Variants in ADGRB1 observed in about 807,000 individuals in gnomAD.
ADGRB1 encodes the protein adhesion G protein-coupled receptor B1, also known as brain-specific angiogenesis inhibitor 1.
In ADGRB1, 36 loss-of-function variants were observed where a neutral mutation model predicts 175.7. That is an observed-to-expected ratio of 0.20 (90% CI 0.16 to 0.27). The LOEUF (loss-of-function observed/expected upper bound fraction) is 0.27. Ranked by LOEUF, ADGRB1 falls within the 10% of genes least tolerant of loss-of-function variation. The pLI, the probability that ADGRB1 is intolerant of heterozygous loss-of-function variation, is 1.00. For missense variants in ADGRB1, 1,731 were observed against 2,255.3 expected (o/e 0.77, Z 4.71); for synonymous variants, 1,054 against 979.4 (o/e 1.08, Z -1.42).
intron 26 of ADGRB1, among the ~76,000 whole-genome samples, chr8:142,538,232 G>A (rs547942073): frequency 3.9e-5 from 6 of 152,342 alleles, no homozygotes; most frequent in African/African-American, 7.2e-5. Flanking sequence ...CGGCTGGTGC[G>A]CGGGAGGTGC....
intron 24 of ADGRB1, 105 bp downstream of exon 24, chr8:142,526,732 G>A: frequency 1.7e-6 from 2 of 1,171,084 alleles, no homozygotes; most frequent in Non-Finnish European, 2.5e-6. Flanking sequence ...TGAGACTGCA[G>A]GTCCAGGGAC....
intron 6 of ADGRB1, among the ~76,000 whole-genome samples, 177 bp downstream of exon 6, chr8:142,477,726 T>C (rs1457081826): frequency 6.6e-6 from 1 of 152,228 alleles, no homozygotes; most frequent in Non-Finnish European, 1.5e-5. Context: ...CCTTGGGGCA[T>C]TTCCCACCCA....
At chr8:142,500,464 A>G (rs562835919) in intron 17 of ADGRB1, among the ~76,000 whole-genome samples, 1 of 145,862 alleles carries the variant, frequency 6.9e-6, no homozygotes, top group South Asian at 2.2e-4. Flanking sequence ...CCTCTCAGTC[A>G]TGCCTCGTGG....
At chr8:142,465,153 C>T (rs990521498) in intron 2 of ADGRB1, among the ~76,000 whole-genome samples, 171 bp downstream of exon 2, 2 of 152,138 alleles carry the variant, frequency 1.3e-5, no homozygotes, top group Non-Finnish European at 2.9e-5. Flanking sequence ...CAGGGCTGCC[C>T]TGCTAGCACC....
chr8:142,464,023 A>T lies in ADGRB1; in HGVS notation c.-176A>T. 2.0e-6 allele frequency: 1 copy of T among 496,604 alleles called. No individual in the cohort carries two copies. 30.8% of individuals were successfully genotyped at this position (496,604 alleles called of 1,614,324 possible). On this transcript the variant is annotated 5_prime_UTR_variant, in exon 2 of 31. Coordinates refer to ENST00000517894, the MANE Select transcript of ADGRB1 (RefSeq NM_001702.3). ...GGCTGGCACCAGGGCCCTGGACTTTAGAAGCCGTTGCTGCCCTCTCTGTCA... is the reference window on the plus strand; with the variant it reads ...GGCTGGCACCAGGGCCCTGGACTTTTGAAGCCGTTGCTGCCCTCTCTGTCA...
chr8:142,516,455 T>C lies in ADGRB1; in HGVS notation c.2818-1683T>C, dbSNP rs369417222. 4.8e-4 allele frequency among the ~76,000 whole-genome samples: 65 copies of C among 136,176 alleles called. 1 individual carries two copies. The South Asian group carries it at 0.015, about 32-fold the overall frequency. The allele number at this position is 136,176 out of a possible 152,430, so 89.3% of individuals were successfully genotyped here. A position where few individuals can be genotyped will look rare whatever the true frequency, so the allele number is the denominator to read the frequency against. On this transcript the variant is annotated intron_variant, in intron 18 of 30. Transcript: ENST00000517894. ...TGTGCGGGCCCCAGGTGCGTGTGTC[T>C]GTGCGGGCCCCAGATGTGTGTGTGT...
At chr8:142,501,089 G>A (rs1296642844) in intron 17 of ADGRB1, among the ~76,000 whole-genome samples, 1 of 152,232 alleles carries the variant, frequency 6.6e-6, no homozygotes, top group Admixed American at 6.5e-5. Flanking sequence ...CAGTGACGGA[G>A]CTGGTTCTGA....
In ADGRB1 at chr8:142,542,454, C is replaced by A; in HGVS notation, c.4220C>A (p.Pro1407His). ...CCCAGCGGCGGGCCCCCCGAGGCAC[C>A]CCCTGCCCAGCCCCCACCGCCTCCG... is the stretch of plus-strand genomic sequence containing the variant. ...QPPSGGPPEAPPAQPPPPPPP... is the reference protein window; with the variant it reads ...QPPSGGPPEAHPAQPPPPPPP... Residue 1407 changes from proline (P) to histidine (H), a missense_variant, in exon 28 of 31, where the codon CCC becomes CAC. Physicochemically the swap from Pro to His is moderately conservative, Grantham distance 77 (BLOSUM62 -2). Transcript: ENST00000517894. The surrounding 1 kb of genome is among the most constrained non-coding windows in gnomAD (Gnocchi z 6.3). 1 of 1,420,426 alleles carries A rather than the reference C, an allele frequency of 7.0e-7. No individual in the cohort carries two copies. Among genetic ancestry groups the A allele is most frequent in the Admixed American group, 2.5e-5 (1 of 40,304 alleles). The allele number at this position is 1,420,426 out of a possible 1,614,324, so 88.0% of individuals were successfully genotyped here.
chr8:142,517,570 G>A (rs538943389), intron 18 of ADGRB1, among the ~76,000 whole-genome samples: 9 of 149,750 alleles, frequency 6.0e-5, no homozygotes, highest in African/African-American at 1.2e-4. Flanking sequence ...GTCACCTGCC[G>A]AACAGAGAGC....
intron 22 of ADGRB1, among the ~76,000 whole-genome samples, chr8:142,523,072 A>T (rs1048239013): frequency 6.6e-6 from 1 of 152,206 alleles, no homozygotes; most frequent in Non-Finnish European, 1.5e-5. Context: ...TGTTTGAGAC[A>T]TGAGCTCTGG....
intron 3 of ADGRB1, among the ~76,000 whole-genome samples, chr8:142,475,957 G>A (rs773008774): frequency 8.9e-5 from 13 of 145,670 alleles, no homozygotes; most frequent in Non-Finnish European, 2.0e-4. Context: ...CCCGAAGAGG[G>A]TGGTGCTTGG....
Position 142,464,541 on chromosome 8 carries a change from C to A in ADGRB1, c.343C>A (p.Leu115Met). The change falls in exon 2 of 31, where the codon CTG becomes ATG. Residue 115 changes from leucine (L) to methionine (M), a missense_variant. Around this residue, in one of 8 missense-constraint regions of ADGRB1, gnomAD observed 383 missense variants for 383.1 expected, o/e 1.00. Transcript: ENST00000517894. ...CTTCCTCGAGTCCACGCGCACCTACCTGGGCGTGGAGAGCTTCGACGAGGT... is the reference window on the plus strand; with the variant it reads ...CTTCCTCGAGTCCACGCGCACCTACATGGGCGTGGAGAGCTTCGACGAGGT... ...DSFLESTRTYLGVESFDEVLR... is the reference protein window; with the variant it reads ...DSFLESTRTYMGVESFDEVLR... 6.4e-7 allele frequency: 1 copy of A among 1,564,476 alleles called. No individual in the cohort carries two copies. The highest frequency in any genetic ancestry group is 8.6e-7 in the Non-Finnish European group (1 of 1,157,990).
chr8:142,496,160 G>A (rs1339585088), intron 17 of ADGRB1, among the ~76,000 whole-genome samples: 1 of 147,930 alleles, frequency 6.8e-6, no homozygotes, highest in East Asian at 2.1e-4. Flanking sequence ...TGGGTGGGTG[G>A]ATGGGTGCGT....
At chr8:142,480,514 C>T (rs1200991879) in intron 9 of ADGRB1, among the ~76,000 whole-genome samples, 6 of 152,166 alleles carry the variant, frequency 3.9e-5, no homozygotes, top group East Asian at 1.9e-4. Context: ...GGCATGTTCT[C>T]GGTAGCAGAT....
At chr8:142,521,917 G>A in intron 20 of ADGRB1, 48 bp from the exon 21 acceptor site, 1 of 1,540,784 alleles carries the variant, frequency 6.5e-7, no homozygotes, top group Non-Finnish European at 8.7e-7. Context: ...GACAGGTGTG[G>A]GGCCGGGGAG....
chr8:142,533,869 A>G (rs528500616), intron 25 of ADGRB1, among the ~76,000 whole-genome samples: 105 of 152,312 alleles, frequency 6.9e-4, no homozygotes, highest in African/African-American at 2.4e-3. Context: ...GAAGGTTTTC[A>G]CCAAACTACA....
chr8:142,463,121 G>A (rs1840059987), intron 1 of ADGRB1, among the ~76,000 whole-genome samples: 1 of 152,198 alleles, frequency 6.6e-6, no homozygotes, highest in Non-Finnish European at 1.5e-5. Context: ...ATGAATGATA[G>A]GAAGTAATGC....
intron 20 of ADGRB1, 50 bp downstream of exon 20, chr8:142,520,975 G>T: frequency 6.5e-7 from 1 of 1,546,732 alleles, no homozygotes; most frequent in South Asian, 1.1e-5. Context: ...CTCGGGTGGT[G>T]AGGATGGACC....
intron 24 of ADGRB1, among the ~76,000 whole-genome samples, chr8:142,533,020 C>T (rs1844714623): frequency 6.6e-6 from 1 of 152,060 alleles, no homozygotes; most frequent in Admixed American, 6.5e-5. Context: ...GGCTCCTCCC[C>T]AGCCTGGGGC....
Sources: gnomAD v4.1 joint callset for allele counts (sites outside exome capture counted in the v4.1 genomes callset) on GRCh38, gnomAD v4.1.1 for gene constraint, gnomAD v4.1.1 regional missense constraint, Gnocchi (gnomAD v3.1) non-coding constraint, MANE v1.5 for transcripts, NCBI Gene and HGNC (gene_info 2026-07-23, HGNC 2026-07-21) for gene names.